RELL1: variants seen among roughly 807,000 people sequenced by gnomAD.
RELL1 encodes the protein RELT-like protein 1.
In RELL1, 10 loss-of-function variants were observed where a neutral mutation model predicts 23.0. The observed-to-expected ratio is 0.43, with a 90% confidence interval of 0.27 to 0.74. The LOEUF is 0.74. RELL1 is among the 30% of genes least tolerant of loss of function. The probability of loss-of-function intolerance (pLI) is 0.19; values close to 1 mark genes in which losing one functional copy is unlikely to be tolerated. For synonymous variants in RELL1, 146 were observed against 146.8 expected, an observed-to-expected ratio of 0.99 and a Z score of 0.04; for missense variants, 315 against 364.4, an observed-to-expected ratio of 0.86 and a Z score of 1.10.
chr4:37,652,774 A>G (rs1173326083), intron 1 of RELL1, among the ~76,000 whole-genome samples: 1 of 152,198 alleles, frequency 6.6e-6, no homozygotes, highest in East Asian at 1.9e-4. Context: ...AACATGTGTC[A>G]TTCACTTAAT....
chr4:37,600,124 G>C (rs531458568), intron 6 of RELL1, among the ~76,000 whole-genome samples: 10 of 152,208 alleles, frequency 6.6e-5, no homozygotes, highest in Non-Finnish European at 1.3e-4. Flanking sequence ...ATAAAAATTA[G>C]CCAGGCGTGG....
intron 6 of RELL1, among the ~76,000 whole-genome samples, chr4:37,601,090 A>G (rs527469819): frequency 6.6e-6 from 1 of 152,332 alleles, no homozygotes; most frequent in Admixed American, 6.5e-5. Flanking sequence ...ATTCAACATC[A>G]GTCAAGGCAA....
chr4:37,666,097 C>A (rs1721521747), intron 1 of RELL1, among the ~76,000 whole-genome samples: 1 of 152,148 alleles, frequency 6.6e-6, no homozygotes, highest in African/African-American at 2.4e-5. Flanking sequence ...ACTTTACCAC[C>A]AACTGCTAAC....
chr4:37,606,162 A>C (rs138863867), downstream of RELL1, among the ~76,000 whole-genome samples: 732 of 150,314 alleles, frequency 4.9e-3, 5 homozygotes, highest in Non-Finnish European at 8.9e-3. This position sits in a 1 kb window ranked among gnomAD's most constrained non-coding sequence, Gnocchi z 4.1. Context: ...GAAAGAAAAG[A>C]AAGAAAAAAA....
intron 1 of RELL1, among the ~76,000 whole-genome samples, chr4:37,668,834 T>C (rs1721647203): frequency 7.0e-6 from 1 of 142,912 alleles, no homozygotes; most frequent in South Asian, 2.2e-4. Flanking sequence ...CGGCCGCCCA[T>C]CGTCTGAGAT....
chr4:37,682,427 C>T (rs573377819), intron 1 of RELL1, among the ~76,000 whole-genome samples: 27 of 152,294 alleles, frequency 1.8e-4, no homozygotes, highest in African/African-American at 6.0e-4. Context: ...AATCATTTCT[C>T]TATTGTTTCA....
intron 6 of RELL1, among the ~76,000 whole-genome samples, chr4:37,620,329 C>T (rs1159597498): frequency 6.6e-6 from 1 of 152,174 alleles, no homozygotes; most frequent in Non-Finnish European, 1.5e-5. Flanking sequence ...TATATTCTCA[C>T]AGCAATTTCA....
rs28711304 is a variant in RELL1, at chr4:37,625,973, C to T, written c.*3+5412G>A. 7.4e-3 allele frequency among the ~76,000 whole-genome samples: 1,119 copies of T among 151,106 alleles called. 13 individuals are homozygous for T. The highest frequency in any genetic ancestry group is 0.025 in the African/African-American group (1,045 of 41,138). On this transcript the variant is annotated intron_variant, in intron 6 of 6. Transcript: ENST00000454158. The stretch of plus-strand genomic sequence containing the variant: ...TCTCAAAAGAAGACCTACAAATGGC[C>T]AACAAATATATGAAAAAAAGGCTCA...
At chr4:37,599,285 G>A (rs1300398329) in intron 6 of RELL1, among the ~76,000 whole-genome samples, 2 of 152,186 alleles carry the variant, frequency 1.3e-5, no homozygotes, top group East Asian at 1.9e-4. Flanking sequence ...TGGGAGGGCC[G>A]CTGAACGAGG....
chr4:37,608,051 C>T (rs1719276826), downstream of RELL1, among the ~76,000 whole-genome samples: 1 of 152,192 alleles, frequency 6.6e-6, no homozygotes, highest in South Asian at 2.1e-4. Context: ...TTTGGGATGA[C>T]ATGAACTGTG....
At chr4:37,644,675 G>A (rs1281297809) in intron 3 of RELL1, among the ~76,000 whole-genome samples, 2 of 151,788 alleles carry the variant, frequency 1.3e-5, no homozygotes, top group Admixed American at 1.3e-4. Context: ...GGCCAGGCTG[G>A]TCTCGAACTC....
In RELL1 at chr4:37,612,367, G is replaced by A. The variant is rs923354124; in HGVS notation, c.*979C>T. ...AAAAAAACAAAAAACCGGGTGCAGT[G>A]GCCCACGCCTATATTCCCAGCACTT... On this transcript the variant is annotated 3_prime_UTR_variant, in exon 7 of 7. Transcript: ENST00000454158. 1.1e-3 allele frequency among the ~76,000 whole-genome samples: 161 copies of A among 150,940 alleles called. 1 individual carries two copies. The highest frequency in any genetic ancestry group is 6.8e-3 in the Middle Eastern group (2 of 292).
intron 1 of RELL1, among the ~76,000 whole-genome samples, chr4:37,676,130 C>T (rs1722018545): frequency 6.6e-6 from 1 of 152,174 alleles, no homozygotes; most frequent in Non-Finnish European, 1.5e-5. Flanking sequence ...CATGCATGTC[C>T]CAACCCCAGC....
chr4:37,626,403 G>A (rs946603138), intron 6 of RELL1, among the ~76,000 whole-genome samples: 2 of 152,224 alleles, frequency 1.3e-5, no homozygotes, highest in African/African-American at 2.4e-5. Flanking sequence ...GTCTGAACCC[G>A]GGAGGCAGAG....
rs1284457656 is a variant in RELL1 at position 37,604,786 on chromosome 4, G to GAC, written c.*4-13571_*4-13570dup. 6.6e-3 allele frequency among the ~76,000 whole-genome samples: 348 copies of GAC among 52,638 alleles called. 3 individuals are homozygous for GAC. The highest frequency in any genetic ancestry group is 0.013 in the Admixed American group (67 of 5,078). The allele number at this position is 52,638 out of a possible 152,430, so 34.5% of individuals were successfully genotyped here. A position where few individuals can be genotyped will look rare whatever the true frequency, so the allele number is the denominator to read the frequency against. ...CCACACACACACACAGACACACACA[G>GAC]ACACACACACAGACACACACACAGA... On this transcript the variant is annotated intron_variant, in intron 6 of 6. Transcript: ENST00000314117.
chr4:37,662,604 A>G (rs1721394302), intron 1 of RELL1, among the ~76,000 whole-genome samples: 1 of 152,196 alleles, frequency 6.6e-6, no homozygotes, highest in Admixed American at 6.5e-5. Flanking sequence ...GATGAAATCT[A>G]AATATTACCA....
intron 1 of RELL1, among the ~76,000 whole-genome samples, chr4:37,667,130 G>A (rs1398300063): frequency 1.3e-5 from 2 of 151,994 alleles, no homozygotes; most frequent in South Asian, 4.1e-4. Flanking sequence ...CTAGACGTAG[G>A]GAAGTCAATG....
At position 37,660,232 on chromosome 4, in the gene RELL1, G is replaced by C. The variant is rs145349831; in HGVS notation, c.89-10732C>G. ...CATCCACCATTTCCACCAGCTACCT[G>C]TGTGATACTGAACAAATCACTTCAC... On this transcript the variant is annotated intron_variant, in intron 1 of 6. Coordinates refer to ENST00000454158, the MANE Select transcript of RELL1 (RefSeq NM_001085400.2). Among the ~76,000 whole-genome samples the C allele has an allele frequency of 1.5e-3, 222 of 151,622 alleles. 6 individuals are homozygous for C. In the East Asian group the frequency reaches 0.036, roughly 25 times the overall value.
intron 1 of RELL1, among the ~76,000 whole-genome samples, chr4:37,684,289 T>C (rs1196893145): frequency 6.6e-6 from 1 of 151,930 alleles, no homozygotes; most frequent in South Asian, 2.1e-4. Flanking sequence ...TACTGGCAAA[T>C]TTGTGCTCTG....
Sources: allele counts gnomAD v4.1 joint callset (sites outside exome capture counted in the v4.1 genomes callset), GRCh38; gene constraint gnomAD v4.1.1; non-coding constraint Gnocchi (gnomAD v3.1); transcripts MANE v1.5; gene names NCBI Gene and HGNC (gene_info 2026-07-23, HGNC 2026-07-21).